NETO1: variants seen among roughly 807,000 people sequenced by gnomAD.
The protein encoded by NETO1 is neuropilin and tolloid-like protein 1.
Under a neutral mutation model 61.3 loss-of-function variants are expected in NETO1, and 26 were observed. The observed-to-expected ratio is 0.42, with a 90% CI of 0.31 to 0.59. NETO1 has a LOEUF of 0.59. NETO1 is among the 20% of genes least tolerant of loss of function. NETO1 has a pLI of 0.12. For synonymous variants in NETO1, 225 were observed against 225.8 expected (o/e 1.00, Z 0.03); for missense variants, 531 against 662.8 (o/e 0.80, Z 2.18).
At chr18:72,808,889 AAG>A (rs1337797889) in intron 4 of NETO1, among the ~76,000 whole-genome samples, 1 of 152,252 alleles carries the variant, frequency 6.6e-6, no homozygotes, top group East Asian at 1.9e-4. Flanking sequence ...TCATGGGACC[AAG>A]AGAGCAAATG....
intron 7 of NETO1, 112 bp from the exon 8 acceptor site, chr18:72,756,259 G>T: frequency 1.7e-6 from 1 of 584,740 alleles, no homozygotes; most frequent in South Asian, 2.4e-5. Flanking sequence ...GCCACAAACT[G>T]AGATAAATGA....
intron 7 of NETO1, among the ~76,000 whole-genome samples, chr18:72,782,639 T>C (rs2071782631): frequency 6.6e-6 from 1 of 152,056 alleles, no homozygotes; most frequent in African/African-American, 2.4e-5. Flanking sequence ...ACCCCATCTC[T>C]ACTAATAATA....
In NETO1 at chr18:72,783,722, C is replaced by A; in HGVS notation, c.824G>T (p.Ser275Ile). The stretch of plus-strand genomic sequence containing the variant: ...GAGCATCTGAAATCGGCTGTTTCGA[C>A]TGCCCTCATCTGCCCACATGCGGAT... ...GVIRMWADEG[S>I]RNSRFQMLFT... is the part of the protein sequence containing the mutation. Residue 275 changes from serine (S) to isoleucine (I), a missense_variant, in exon 7 of 11, where the codon AGT (serine) becomes ATT (isoleucine). Physicochemically the swap from Ser to Ile is moderately radical, Grantham distance 142. Transcript: ENST00000327305. 1 of 1,614,174 alleles carries A rather than the reference C, an allele frequency of 6.2e-7. No homozygotes were observed. The highest frequency in any genetic ancestry group is 8.5e-7 in the Non-Finnish European group (1 of 1,180,028).
At chr18:72,758,944 A>T (rs1167744699) in intron 7 of NETO1, among the ~76,000 whole-genome samples, 3 of 152,172 alleles carry the variant, frequency 2.0e-5, no homozygotes, top group African/African-American at 4.8e-5. Flanking sequence ...CCAAAGTATA[A>T]TATTATATTG....
intron 7 of NETO1, among the ~76,000 whole-genome samples, chr18:72,774,461 T>G (rs1420379569): frequency 1.3e-5 from 2 of 152,162 alleles, no homozygotes; most frequent in Non-Finnish European, 2.9e-5. Flanking sequence ...TCCTTTAAAA[T>G]TAGTAATTCT....
At chr18:72,828,950 T>C (rs2073482564) in intron 4 of NETO1, among the ~76,000 whole-genome samples, 1 of 140,208 alleles carries the variant, frequency 7.1e-6, no homozygotes, top group East Asian at 2.0e-4. Context: ...GAGAATTTAG[T>C]CTCCAAGAGA....
chr18:72,770,991 G>A (rs11661198), intron 7 of NETO1, among the ~76,000 whole-genome samples: 49,152 of 152,012 alleles, frequency 0.32, 8,571 homozygotes, highest in South Asian at 0.48. Context: ...AAGTTAAAAA[G>A]GATTAAAGTA....
chr18:72,783,890 A>C lies in NETO1; in HGVS notation c.656T>G (p.Leu219Trp), dbSNP rs780281619. 2 of 1,612,110 alleles carry C rather than the reference A, an allele frequency of 1.2e-6. No homozygotes were observed. Among genetic ancestry groups the C allele is most frequent in the Non-Finnish European group, 1.7e-6 (2 of 1,178,136 alleles). ...ATTTGAATTCTGCATCTCATAGTCC[A>C]AGAATCGTAAGTAAATCTATAAAAC... is the stretch of plus-strand genomic sequence containing the variant. ...PPRSKIYLRF[L>W]DYEMQNSNEC... Residue 219 changes from leucine to tryptophan, a missense_variant, in exon 7 of 11, where the codon TTG becomes TGG. Transcript: ENST00000327305.
chr18:72,784,086 TC>T (rs1328176277), intron 6 of NETO1, among the ~76,000 whole-genome samples, 180 bp from the exon 7 acceptor site: 1 of 152,100 alleles, frequency 6.6e-6, no homozygotes, highest in Non-Finnish European at 1.5e-5. Context: ...ATATTTTTTT[TC>T]AAATGCTATT....
Position 72,794,106 on chromosome 18 carries a change from T to C in NETO1, c.639+11A>G. On this transcript the variant is annotated intron_variant, in intron 6 of 10. Transcript: ENST00000327305. Reference sequence around the variant, plus strand: ...TCAGCTGTCAAGTGTGGGTTTCATCTTAAGACTGACCTTGGACCGTGGAGG... The same window carrying C: ...TCAGCTGTCAAGTGTGGGTTTCATCCTAAGACTGACCTTGGACCGTGGAGG... 6.2e-7 allele frequency: 1 copy of C among 1,614,194 alleles called. No individual in the cohort carries two copies. The highest frequency in any genetic ancestry group is 2.2e-5 in the East Asian group (1 of 44,874).
chr18:72,836,368 T>C (rs2073749937), intron 4 of NETO1, among the ~76,000 whole-genome samples: 1 of 152,174 alleles, frequency 6.6e-6, no homozygotes, highest in Non-Finnish European at 1.5e-5. Flanking sequence ...TGTCATACTC[T>C]CCTTATACAT....
chr18:72,753,132 C>T (rs1165181024), intron 8 of NETO1, among the ~76,000 whole-genome samples: 1 of 151,822 alleles, frequency 6.6e-6, no homozygotes, highest in African/African-American at 2.4e-5. Context: ...CTAAAACTTC[C>T]CAAACTTAAT....
intron 4 of NETO1, among the ~76,000 whole-genome samples, chr18:72,796,865 T>C (rs1228910382): frequency 2.0e-5 from 3 of 152,218 alleles, no homozygotes; most frequent in Admixed American, 1.3e-4. Context: ...TGGAACAAGA[T>C]GCTTCCTAGT....
intron 7 of NETO1, among the ~76,000 whole-genome samples, chr18:72,760,362 C>T (rs1404817685): frequency 6.6e-6 from 1 of 152,178 alleles, no homozygotes; most frequent in Non-Finnish European, 1.5e-5. Flanking sequence ...TCATTTGTGG[C>T]TGTGCAATAG....
intron 4 of NETO1, among the ~76,000 whole-genome samples, chr18:72,821,257 A>AG (rs1268067980): frequency 6.7e-6 from 1 of 148,928 alleles, no homozygotes; most frequent in Non-Finnish European, 1.5e-5. Context: ...AAAAAAAAAA[A>AG]TGGGTCCAGG....
At chr18:72,829,168 T>C (rs1322545754) in intron 4 of NETO1, among the ~76,000 whole-genome samples, 7 of 152,158 alleles carry the variant, frequency 4.6e-5, no homozygotes, top group African/African-American at 1.7e-4. Context: ...AAAGAATGGA[T>C]TGAAGAAGAC....
chr18:72,812,184 G>C (rs778517541), intron 4 of NETO1, among the ~76,000 whole-genome samples: 2 of 152,178 alleles, frequency 1.3e-5, no homozygotes, highest in African/African-American at 4.8e-5. Context: ...AGGAGAAAAC[G>C]GAAGTTCACG....
intron 1 of NETO1, chr18:72,865,770 AT>A (rs1407088570): frequency 4.5e-6 from 6 of 1,345,310 alleles, no homozygotes; most frequent in Non-Finnish European, 5.9e-6. Flanking sequence ...AAACAGATTA[AT>A]GTGGATTGTG....
chr18:72,754,784 A>G (rs1426277170), intron 8 of NETO1, among the ~76,000 whole-genome samples: 1 of 152,214 alleles, frequency 6.6e-6, no homozygotes, highest in African/African-American at 2.4e-5. Context: ...AATCAAAGGC[A>G]AACAGAAGAC....
Sources: gnomAD v4.1 joint callset for allele counts (sites outside exome capture counted in the v4.1 genomes callset) on GRCh38, gnomAD v4.1.1 for gene constraint, MANE v1.5 for transcripts, NCBI Gene and HGNC (gene_info 2026-07-23, HGNC 2026-07-21) for gene names.